WDR64: variants seen among roughly 807,000 people sequenced by gnomAD.
WDR64 encodes WD repeat-containing protein 64.
A neutral mutation model predicts 139.3 loss-of-function variants in WDR64; 112 were observed. That is an observed-to-expected ratio of 0.80 (90% CI 0.69 to 0.94). WDR64 has a LOEUF of 0.94. Ranked by LOEUF, WDR64 falls within the 40% of genes least tolerant of loss-of-function variation. The probability of loss-of-function intolerance (pLI) is 0.00; values close to 1 mark genes in which losing one functional copy is unlikely to be tolerated. For synonymous variants in WDR64, 444 were observed against 437.7 expected (o/e 1.01, Z -0.18); for missense variants, 1,206 against 1,293.1 (o/e 0.93, Z 1.03).
At chr1:241,775,520 T>C (rs1558520291) in intron 21 of WDR64, among the ~76,000 whole-genome samples, 1 of 152,202 alleles carries the variant, frequency 6.6e-6, no homozygotes, top group East Asian at 1.9e-4. Flanking sequence ...ATTTTTCACA[T>C]TGAAAGTGTA....
intron 25 of WDR64, among the ~76,000 whole-genome samples, chr1:241,794,536 T>C (rs534503330): frequency 8.3e-6 from 1 of 121,014 alleles, no homozygotes; most frequent in Non-Finnish European, 1.6e-5. Context: ...TGAGACAGAG[T>C]CTTGCTCTGT....
intron 23 of WDR64, among the ~76,000 whole-genome samples, chr1:241,785,698 T>C (rs779879845): frequency 2.5e-4 from 38 of 152,220 alleles, no homozygotes; most frequent in South Asian, 2.1e-4. Context: ...AACCAAGCCA[T>C]GTCCCTTTGC....
chr1:241,718,910 G>A (rs1425270489), intron 9 of WDR64, among the ~76,000 whole-genome samples: 2 of 152,038 alleles, frequency 1.3e-5, no homozygotes, highest in African/African-American at 4.8e-5. Flanking sequence ...CCATCATGAG[G>A]GCCCGCCTTC....
intron 9 of WDR64, among the ~76,000 whole-genome samples, chr1:241,719,954 C>T (rs1237939084): frequency 2.6e-5 from 4 of 152,118 alleles, no homozygotes; most frequent in African/African-American, 4.8e-5. Flanking sequence ...CTGATCCTCT[C>T]TCTTCCTCAC....
intron 2 of WDR64, among the ~76,000 whole-genome samples, chr1:241,669,375 G>C (rs1333886704): frequency 6.6e-6 from 1 of 152,184 alleles, no homozygotes; most frequent in African/African-American, 2.4e-5. Flanking sequence ...ATAAATTAAT[G>C]ATGACAAAGA....
intron 1 of WDR64, among the ~76,000 whole-genome samples, chr1:241,659,360 C>A (rs1665736146): frequency 6.6e-6 from 1 of 152,080 alleles, no homozygotes; most frequent in South Asian, 2.1e-4. Flanking sequence ...AACAGTGCTG[C>A]AATGAGCATA....
At chr1:241,655,678 C>T (rs12723036) in intron 1 of WDR64, among the ~76,000 whole-genome samples, 11,915 of 147,092 alleles carry the variant, frequency 0.081, 550 homozygotes, top group South Asian at 0.15. Context: ...ATGTCATTCC[C>T]CAATATGGAG....
At chr1:241,683,137 T>A (rs578198312) in intron 6 of WDR64, among the ~76,000 whole-genome samples, 1 of 152,324 alleles carries the variant, frequency 6.6e-6, no homozygotes, top group South Asian at 2.1e-4. Flanking sequence ...CAGTTTAATG[T>A]CAACAGTCTG....
Position 241,783,338 on chromosome 1 carries a change from GA to G in WDR64, c.2667del (p.Lys889AsnfsTer13). On this transcript the variant is annotated frameshift_variant, in exon 23 of 28. Coordinates refer to ENST00000437684, the MANE Select transcript of WDR64 (RefSeq NM_001367482.1). LOFTEE classifies it high-confidence loss of function. The stretch of plus-strand genomic sequence containing the variant: ...AATTATTCAAGTAATCTATGTAGAA[GA>G]AAAACAAGTGGTACTTACTGCCTCC... ...LEIIQVIYVE[E>X]KQVVLTASID... 6.2e-7 allele frequency: 1 copy of G among 1,614,010 alleles called. No homozygotes were observed. The highest frequency in any genetic ancestry group is 8.5e-7 in the Non-Finnish European group (1 of 1,179,982).
intron 17 of WDR64, among the ~76,000 whole-genome samples, chr1:241,770,256 C>T (rs1265802247): frequency 6.6e-6 from 1 of 152,162 alleles, no homozygotes. Flanking sequence ...GAGAACTAGA[C>T]ATTGTCAAGC....
At chr1:241,653,815 G>A (rs1010640867) in intron 1 of WDR64, among the ~76,000 whole-genome samples, 2 of 152,132 alleles carry the variant, frequency 1.3e-5, no homozygotes, top group Middle Eastern at 3.2e-3. Context: ...AAAGTGCTGG[G>A]ATTACAGGTG....
chr1:241,652,819 TTTTG>T (rs1169276258), intron 1 of WDR64, among the ~76,000 whole-genome samples, 190 bp downstream of exon 1: 3 of 151,908 alleles, frequency 2.0e-5, no homozygotes, highest in Non-Finnish European at 4.4e-5. Context: ...TTTTGTTTTG[TTTTG>T]TTTTTGTTTT....
intron 8 of WDR64, among the ~76,000 whole-genome samples, chr1:241,700,562 G>A (rs1166958097): frequency 1.3e-5 from 2 of 152,146 alleles, no homozygotes; most frequent in African/African-American, 4.8e-5. Flanking sequence ...AGTTTACATG[G>A]CACTATTTAC....
intron 10 of WDR64, among the ~76,000 whole-genome samples, chr1:241,726,244 TA>T (rs201716792): frequency 0.019 from 2,916 of 151,924 alleles, 100 homozygotes; most frequent in African/African-American, 0.066. Context: ...TATATAGGGT[TA>T]AAAAATACAT....
chr1:241,745,798 T>A (rs1669734881), intron 13 of WDR64, among the ~76,000 whole-genome samples: 1 of 152,030 alleles, frequency 6.6e-6, no homozygotes, highest in Non-Finnish European at 1.5e-5. Context: ...GAAGTGAGAT[T>A]CTGACTCCCA....
chr1:241,751,598 C>T (rs1669984003), intron 14 of WDR64, among the ~76,000 whole-genome samples: 1 of 152,212 alleles, frequency 6.6e-6, no homozygotes, highest in Admixed American at 6.5e-5. Flanking sequence ...TCCAAAGTAT[C>T]ATGTACTTTT....
At chr1:241,670,891 T>C (rs1289552353) in intron 2 of WDR64, among the ~76,000 whole-genome samples, 183 bp from the exon 3 acceptor site, 1 of 152,192 alleles carries the variant, frequency 6.6e-6, no homozygotes, top group Non-Finnish European at 1.5e-5. Context: ...GTGCCTGGTG[T>C]CAAGAAGGTT....
chr1:241,652,357 A>G lies in WDR64; in HGVS notation c.-128A>G. On this transcript the variant is annotated 5_prime_UTR_variant, in exon 1 of 28. Coordinates refer to ENST00000437684, the MANE Select transcript of WDR64 (RefSeq NM_001367482.1). The stretch of plus-strand genomic sequence containing the variant: ...CCTACCCGCACTATGGGATTTTAAG[A>G]TCAAAGGAATTAGACCTAGGGCAAA... 1.1e-6 allele frequency: 1 copy of G among 933,232 alleles called. No individual in the cohort carries two copies. Among genetic ancestry groups the G allele is most frequent in the East Asian group, 2.6e-5 (1 of 37,760 alleles). 57.8% of individuals were successfully genotyped at this position (933,232 alleles called of 1,614,324 possible).
chr1:241,687,352 A>C, intron 7 of WDR64, 109 bp from the exon 8 acceptor site: 2 of 1,326,634 alleles, frequency 1.5e-6, no homozygotes, highest in Non-Finnish European at 2.1e-6. Flanking sequence ...TGTATTCTAC[A>C]TTTGGGTTTA....
Sources: allele counts gnomAD v4.1 joint callset (sites outside exome capture counted in the v4.1 genomes callset), GRCh38; gene constraint gnomAD v4.1.1; transcripts MANE v1.5; gene names NCBI Gene and HGNC (gene_info 2026-07-23, HGNC 2026-07-21).